POLR3A: variants seen among roughly 807,000 people sequenced by gnomAD.
The protein encoded by POLR3A is DNA-directed RNA polymerase III subunit RPC1.
POLR3A carries 112 observed loss-of-function variants against 152.8 expected under a neutral mutation model. The observed-to-expected ratio is 0.73, with a 90% CI of 0.63 to 0.86. The LOEUF (loss-of-function observed/expected upper bound fraction) is 0.86, where lower values mean the gene tolerates loss of function less well. Among genes scored for constraint, POLR3A ranks in the 40% least tolerant of loss-of-function variants. The probability of loss-of-function intolerance (pLI) is 0.00; values close to 1 mark genes in which losing one functional copy is unlikely to be tolerated. For missense variants in POLR3A, 1,385 were observed against 1,743.1 expected, an observed-to-expected ratio of 0.79 and a Z score of 3.66; for synonymous variants, 615 against 652.1, an observed-to-expected ratio of 0.94 and a Z score of 0.87.
chr10:78,024,447 T>A (rs1847610001), intron 5 of POLR3A, 102 bp downstream of exon 5: 1 of 1,082,328 alleles, frequency 9.2e-7, no homozygotes, highest in Non-Finnish European at 1.4e-6. Flanking sequence ...AGAAAGTGGG[T>A]GTCTAGGGGT....
chr10:78,023,462 A>G (rs1247092345), intron 5 of POLR3A, among the ~76,000 whole-genome samples: 1 of 151,926 alleles, frequency 6.6e-6, no homozygotes, highest in East Asian at 1.9e-4. Context: ...TGTCTCTAAA[A>G]AAAAAAAGTG....
At position 77,977,322 on chromosome 10, in the gene POLR3A, G is replaced by C. The variant is rs1847098422; in HGVS notation, c.*156C>G. The C allele has an allele frequency of 3.9e-6, 3 of 769,840 alleles. No individual in the cohort carries two copies. The highest frequency in any genetic ancestry group is 4.6e-6 in the Non-Finnish European group (2 of 430,200). 47.7% of individuals were successfully genotyped at this position (769,840 alleles called of 1,614,324 possible). On this transcript the variant is annotated 3_prime_UTR_variant, in exon 31 of 31. Coordinates refer to ENST00000372371, the MANE Select transcript of POLR3A (RefSeq NM_007055.4). ...TGGTGTGAGCTGCACCCTATCAGAG[G>C]AGAAGCTGCTCCTGGGGATGCCAAG...
intron 30 of POLR3A, among the ~76,000 whole-genome samples, chr10:77,979,899 A>C (rs1847123836): frequency 6.6e-6 from 1 of 152,292 alleles, no homozygotes; most frequent in Non-Finnish European, 1.5e-5. Context: ...TGCTTCGTGG[A>C]CCAAAAACCA....
At chr10:78,022,955 C>T (rs1490012982) in intron 5 of POLR3A, among the ~76,000 whole-genome samples, 3 of 152,068 alleles carry the variant, frequency 2.0e-5, no homozygotes, top group Non-Finnish European at 2.9e-5. Context: ...GTCAGGAGTT[C>T]GAGACCAGCC....
Position 77,993,373 on chromosome 10 carries a change from G to A in POLR3A, c.2617-6C>T, listed in dbSNP as rs886047285. 20 of 1,611,958 alleles carry A rather than the reference G, an allele frequency of 1.2e-5. No homozygotes were observed. Among genetic ancestry groups the A allele is most frequent in the Non-Finnish European group, 1.7e-5 (20 of 1,178,236 alleles). ...AGAGATTTGACAAGCCTTCGCTAAAGGAAAAGGAGGAAAAAGCTCAGCTGC... is the reference window on the plus strand; with the variant it reads ...AGAGATTTGACAAGCCTTCGCTAAAAGAAAAGGAGGAAAAAGCTCAGCTGC... On this transcript the variant is annotated splice_region_variant and splice_polypyrimidine_tract_variant and intron_variant, in intron 19 of 30. Coordinates refer to ENST00000372371, the MANE Select transcript of POLR3A (RefSeq NM_007055.4).
At chr10:78,018,966 G>A (rs867918295) in intron 9 of POLR3A, among the ~76,000 whole-genome samples, 196 bp downstream of exon 9, 7 of 152,142 alleles carry the variant, frequency 4.6e-5, no homozygotes, top group African/African-American at 1.7e-4. Flanking sequence ...GAGAACAAAG[G>A]AGCACTTCAT....
chr10:77,986,201 T>C, intron 21 of POLR3A, 42 bp from the exon 22 acceptor site: 1 of 953,280 alleles, frequency 1.0e-6, no homozygotes, highest in Non-Finnish European at 1.7e-6. Context: ...AGTTTCACAG[T>C]CATGCAGATG....
chr10:77,988,338 A>G (rs1047360035), intron 21 of POLR3A, among the ~76,000 whole-genome samples: 8 of 152,104 alleles, frequency 5.3e-5, no homozygotes, highest in African/African-American at 1.7e-4. Flanking sequence ...CCTGGCCAAC[A>G]AGGTGAAACC....
At position 77,999,985 on chromosome 10, in the gene POLR3A, AT is replaced by A; in HGVS notation, c.2611del (p.Met871CysfsTer18). 6.2e-7 allele frequency: 1 copy of A among 1,614,108 alleles called. No homozygotes were observed. The highest frequency in any genetic ancestry group is 2.2e-5 in the East Asian group (1 of 44,876). On this transcript the variant is annotated frameshift_variant, in exon 19 of 31. Coordinates refer to ENST00000372371, the MANE Select transcript of POLR3A (RefSeq NM_007055.4). LOFTEE classifies it high-confidence loss of function. ...TAVKTAETGY[M>X]QRRLVKSLED... The stretch of plus-strand genomic sequence containing the variant: ...GCCTACATTTCTTCAGGTTACCTGC[AT>A]GTATCCCGTTTCAGCTGTCTTTACA...
At chr10:78,002,838 A>G (rs939888541) in intron 16 of POLR3A, among the ~76,000 whole-genome samples, 2 of 152,188 alleles carry the variant, frequency 1.3e-5, no homozygotes, top group African/African-American at 4.8e-5. Context: ...ACAGTAATAA[A>G]AACTTGAAGA....
intron 29 of POLR3A, among the ~76,000 whole-genome samples, chr10:77,981,136 T>C (rs1003316491): frequency 6.6e-6 from 1 of 152,090 alleles, no homozygotes; most frequent in Non-Finnish European, 1.5e-5. Flanking sequence ...CAGTGGCTAA[T>C]TTTGCTTTAG....
At chr10:77,985,582 A>G (rs778096618) in intron 23 of POLR3A, among the ~76,000 whole-genome samples, 1 of 152,254 alleles carries the variant, frequency 6.6e-6, no homozygotes, top group Non-Finnish European at 1.5e-5. Context: ...GCTTGTGGTC[A>G]GCATGTAATG....
At chr10:78,018,708 G>T (rs981473311) in intron 9 of POLR3A, among the ~76,000 whole-genome samples, 31 of 151,982 alleles carry the variant, frequency 2.0e-4, no homozygotes, top group African/African-American at 6.0e-4. Context: ...TCAGGCTTCT[G>T]AGTAGCTGGG....
At chr10:78,009,465 C>T (rs1448850666) in intron 14 of POLR3A, 72 bp downstream of exon 14, 1 of 1,605,224 alleles carries the variant, frequency 6.2e-7, no homozygotes, top group Non-Finnish European at 8.5e-7. Flanking sequence ...AAGGTACCAG[C>T]AAAGCTGATG....
At chr10:78,011,666 A>G (rs35182095) in intron 11 of POLR3A, among the ~76,000 whole-genome samples, 131 of 152,302 alleles carry the variant, frequency 8.6e-4, no homozygotes, top group Admixed American at 3.1e-3. Flanking sequence ...GGTGGGATAC[A>G]GGTAGTCTAC....
At chr10:77,989,344 A>G (rs12242518) in intron 21 of POLR3A, among the ~76,000 whole-genome samples, 18,579 of 152,200 alleles carry the variant, frequency 0.12, 2,180 homozygotes, top group African/African-American at 0.29. Flanking sequence ...CTGTCACCTC[A>G]GCTCTGATAC....
At chr10:77,986,307 T>A (rs1328803892) in intron 21 of POLR3A, 148 bp from the exon 22 acceptor site, 4 of 689,286 alleles carry the variant, frequency 5.8e-6, no homozygotes, top group Non-Finnish European at 1.1e-5. Flanking sequence ...ATCTGGATAC[T>A]GCTTCTACTA....
chr10:77,975,684 G>A lies in POLR3A; in HGVS notation c.*1794C>T, dbSNP rs1167436563. ...AGCCACAACCTCTCTTCCATTTAAA[G>A]TGTGCGTCACCCGCAGAAGACAACA... is the stretch of plus-strand genomic sequence containing the variant. On this transcript the variant is annotated 3_prime_UTR_variant, in exon 31 of 31. Transcript: ENST00000372371. 6.6e-6 allele frequency: 1 copy of A among 152,228 alleles called. No individual in the cohort carries two copies. Among genetic ancestry groups the A allele is most frequent in the Non-Finnish European group, 1.5e-5 (1 of 68,078 alleles). The allele number at this position is 152,228 out of a possible 1,614,324, so 9.4% of individuals were successfully genotyped here.
intron 29 of POLR3A, 146 bp from the exon 30 acceptor site, chr10:77,980,419 G>T: frequency 1.4e-6 from 1 of 740,308 alleles, no homozygotes; most frequent in Non-Finnish European, 2.4e-6. Context: ...CTATGGGTCC[G>T]CCCTCTGTGT....
Sources: allele counts gnomAD v4.1 joint callset (sites outside exome capture counted in the v4.1 genomes callset), GRCh38; gene constraint gnomAD v4.1.1; transcripts MANE v1.5; gene names NCBI Gene and HGNC (gene_info 2026-07-23, HGNC 2026-07-21).